The following HLCS variants were observed in gnomAD, a reference collection of about 807,000 sequenced individuals.
The protein encoded by HLCS is holocarboxylase synthetase.
Under a neutral mutation model 75.0 loss-of-function variants are expected in HLCS, and 53 were observed. The observed-to-expected ratio is 0.71, with a 90% CI of 0.57 to 0.89. HLCS has a LOEUF of 0.89. HLCS is among the 40% of genes least tolerant of loss of function. The pLI is 0.00. For missense variants in HLCS, 966 were observed against 1,074.0 expected, an observed-to-expected ratio of 0.90 and a Z score of 1.41; for synonymous variants, 431 against 428.6, an observed-to-expected ratio of 1.01 and a Z score of -0.07.
At chr21:36,954,834 G>C (rs573853471) in intron 2 of HLCS, among the ~76,000 whole-genome samples, 151 of 152,100 alleles carry the variant, frequency 9.9e-4, no homozygotes, top group African/African-American at 3.5e-3. Context: ...AGGCCGAGGC[G>C]GGGGGATCAC....
intron 6 of HLCS, among the ~76,000 whole-genome samples, chr21:36,888,421 C>T (rs2064566400): frequency 9.1e-6 from 1 of 109,320 alleles, no homozygotes; most frequent in African/African-American, 3.4e-5. Flanking sequence ...CGATCCTGCC[C>T]CCTTCCCATT....
chr21:36,767,391 C>T (rs2090078465), intron 6 of HLCS, 106 bp from the exon 7 acceptor site: 1 of 1,144,110 alleles, frequency 8.7e-7, no homozygotes. Context: ...GGGTGTGTGG[C>T]CATGGAAGGG....
intron 6 of HLCS, among the ~76,000 whole-genome samples, chr21:36,775,520 G>A (rs1050598990): frequency 6.6e-6 from 1 of 152,224 alleles, no homozygotes; most frequent in Non-Finnish European, 1.5e-5. Context: ...CCACCTCTGT[G>A]GCTGTACCTC....
chr21:36,762,653 A>C (rs539857114), intron 8 of HLCS, among the ~76,000 whole-genome samples: 1 of 152,354 alleles, frequency 6.6e-6, no homozygotes, highest in East Asian at 1.9e-4. Context: ...TTAAAAAAGA[A>C]ACCCAATTCA....
At chr21:36,816,364 C>T (rs1209756247) in intron 6 of HLCS, among the ~76,000 whole-genome samples, 1 of 150,890 alleles carries the variant, frequency 6.6e-6, no homozygotes, top group Non-Finnish European at 1.5e-5. Context: ...CCACTGCACT[C>T]CAGCCTGGGT....
At chr21:36,967,206 C>T (rs2068647414), upstream of HLCS, among the ~76,000 whole-genome samples, 1 of 152,108 alleles carries the variant, frequency 6.6e-6, no homozygotes, top group African/African-American at 2.4e-5. Flanking sequence ...GCTCCACAGC[C>T]GCTACCCAGT....
At chr21:36,792,510 G>A (rs988471214) in intron 6 of HLCS, among the ~76,000 whole-genome samples, 3 of 151,532 alleles carry the variant, frequency 2.0e-5, no homozygotes, top group African/African-American at 4.9e-5. Context: ...GGGAGCGGGG[G>A]GAGGAGGAGG....
intron 6 of HLCS, among the ~76,000 whole-genome samples, chr21:36,808,558 G>GT (rs1405861634): frequency 6.6e-6 from 1 of 152,100 alleles, no homozygotes; most frequent in Non-Finnish European, 1.5e-5. Flanking sequence ...ATCGAGGTCC[G>GT]TATCTACCCC....
rs2066579206 is a variant in HLCS, at chr21:36,930,294, T to C, written c.1577A>G (p.Gln526Arg). The C allele has an allele frequency of 6.2e-7, 1 of 1,614,054 alleles. No individual in the cohort carries two copies. Among genetic ancestry groups the C allele is most frequent in the African/African-American group, 1.3e-5 (1 of 74,918 alleles). The change falls in exon 5 of 11, where the codon CAA (glutamine) becomes CGA (arginine). Residue 526 changes from glutamine (Q) to arginine (R), a missense_variant. Gln to Arg is a conservative substitution (Grantham distance 43). Coordinates refer to ENST00000674895, the MANE Select transcript of HLCS (RefSeq NM_001352514.2). The stretch of plus-strand genomic sequence containing the variant: ...GTAAAGAGGAGTTAAGGCAGGAACT[T>C]GTTTCATGTCACAGCTGAGGCCAAG... ...TTLGLSCDMK[Q>R]VPALTPLYLL...
intron 6 of HLCS, among the ~76,000 whole-genome samples, chr21:36,797,828 T>G (rs2061073147): frequency 6.6e-6 from 1 of 152,236 alleles, no homozygotes; most frequent in Admixed American, 6.5e-5. Flanking sequence ...ATTCACATGT[T>G]GACTTAACAC....
At chr21:36,895,838 G>A (rs148168689) in intron 6 of HLCS, among the ~76,000 whole-genome samples, 5 of 152,144 alleles carry the variant, frequency 3.3e-5, no homozygotes, top group Admixed American at 1.3e-4. Flanking sequence ...TTTTAACACC[G>A]CACTGAGGGA....
chr21:36,818,910 G>A (rs1168288752), intron 6 of HLCS, among the ~76,000 whole-genome samples: 1 of 152,046 alleles, frequency 6.6e-6, no homozygotes, highest in East Asian at 1.9e-4. Flanking sequence ...ATATTGACTG[G>A]AAATTACACC....
At chr21:36,893,351 T>C (rs1007592942) in intron 6 of HLCS, among the ~76,000 whole-genome samples, 2 of 152,084 alleles carry the variant, frequency 1.3e-5, no homozygotes, top group Non-Finnish European at 2.9e-5. Flanking sequence ...GGATTACAGG[T>C]GTGAGCCACC....
At chr21:36,831,417 C>T (rs1288578213) in intron 6 of HLCS, among the ~76,000 whole-genome samples, 1 of 152,178 alleles carries the variant, frequency 6.6e-6, no homozygotes, top group Non-Finnish European at 1.5e-5. Flanking sequence ...TGGTGGCTCA[C>T]ACCTGTAATC....
intron 1 of HLCS, among the ~76,000 whole-genome samples, chr21:36,979,040 C>A (rs796208207): frequency 1.2e-4 from 18 of 152,104 alleles, no homozygotes; most frequent in African/African-American, 3.4e-4. Flanking sequence ...GAGGCTGAGG[C>A]GGGCAGATCA....
At chr21:36,767,306 C>T in intron 6 of HLCS, 21 bp from the exon 7 acceptor site, 3 of 1,613,380 alleles carry the variant, frequency 1.9e-6, no homozygotes, top group Non-Finnish European at 2.5e-6. Context: ...GGGGGAAAGA[C>T]CGGTTAGGCC....
At chr21:36,806,486 G>A (rs1156262231) in intron 6 of HLCS, among the ~76,000 whole-genome samples, 1 of 152,124 alleles carries the variant, frequency 6.6e-6, no homozygotes, top group Non-Finnish European at 1.5e-5. Flanking sequence ...AAAACCAAGT[G>A]AAATGAAAGG....
chr21:36,815,960 T>G (rs559386915), intron 6 of HLCS, among the ~76,000 whole-genome samples: 2 of 152,284 alleles, frequency 1.3e-5, no homozygotes, highest in East Asian at 3.9e-4. Flanking sequence ...AATTAATTGA[T>G]TACATGGAAT....
chr21:36,929,581 A>G (rs2066545783), intron 5 of HLCS, among the ~76,000 whole-genome samples: 2 of 152,268 alleles, frequency 1.3e-5, no homozygotes, highest in Non-Finnish European at 2.9e-5. Context: ...TGCAGAAACT[A>G]CATGGTTATG....
Sources: gnomAD v4.1 joint callset for allele counts (sites outside exome capture counted in the v4.1 genomes callset) on GRCh38, gnomAD v4.1.1 for gene constraint, MANE v1.5 for transcripts, NCBI Gene and HGNC (gene_info 2026-07-23, HGNC 2026-07-21) for gene names.